The following FOXJ2 variants were observed in gnomAD, a reference collection of about 807,000 sequenced individuals.
The protein encoded by FOXJ2 is forkhead box protein J2.
FOXJ2 carries 18 observed loss-of-function variants against 68.4 expected under a neutral mutation model. The observed-to-expected ratio is 0.26, with a 90% CI of 0.18 to 0.39. The LOEUF is 0.39. Among genes scored for constraint, FOXJ2 ranks in the 10% least tolerant of loss-of-function variants. The pLI, the probability that FOXJ2 is intolerant of heterozygous loss-of-function variation, is 1.00. For synonymous variants in FOXJ2, 274 were observed against 263.2 expected (o/e 1.04, Z -0.40); for missense variants, 670 against 726.5 (o/e 0.92, Z 0.89).
chr12:8,034,767 T>A (rs748081904), intron 1 of FOXJ2, among the ~76,000 whole-genome samples: 13 of 152,346 alleles, frequency 8.5e-5, no homozygotes, highest in African/African-American at 2.6e-4. Flanking sequence ...CCTTCCTGTT[T>A]CTTGTTCAGT....
chr12:8,049,784 G>A (rs1205635022), intron 9 of FOXJ2: 2 of 472,240 alleles, frequency 4.2e-6, no homozygotes, highest in South Asian at 5.0e-5. Context: ...TTCCTTTTTA[G>A]ACCTCAGTTT....
In FOXJ2 at chr12:8,032,759, A is replaced by G; in HGVS notation, c.-1089A>G. On this transcript the variant is annotated 5_prime_UTR_variant, in exon 1 of 11. Transcript: ENST00000162391. The surrounding 1 kb of genome is among the most constrained non-coding windows in gnomAD (Gnocchi z 4.8). ...GCCCGAGCCCGCGCCGAGCCCTGAC[A>G]CTGTCTGCCCGCCTTCTGGCTCCCC... 2.5e-6 allele frequency: 1 copy of G among 397,648 alleles called. No individual in the cohort carries two copies. The highest frequency in any genetic ancestry group is 4.4e-6 in the Non-Finnish European group (1 of 225,508). The allele number at this position is 397,648 out of a possible 1,614,324, so 24.6% of individuals were successfully genotyped here. A position where few individuals can be genotyped will look rare whatever the true frequency, so the allele number is the denominator to read the frequency against.
At position 8,047,910 on chromosome 12, in the gene FOXJ2, A is replaced by T. The variant is rs747559120; in HGVS notation, c.846A>T (p.Pro282=). ...HGFSSLLGDI[P]PSNNYYMYQQ... ...TTTCTTCTCTCCTGGGGGACATCCC[A>T]CCCTCGAACAACTACTACATGTATC... Residue 282 remains proline, a synonymous_variant, in exon 7 of 11, where the codon CCA becomes CCT. Coordinates refer to ENST00000162391, the MANE Select transcript of FOXJ2 (RefSeq NM_018416.3). 1 of 1,602,188 alleles carries T rather than the reference A, an allele frequency of 6.2e-7. No individual in the cohort carries two copies.
At position 8,039,780 on chromosome 12, in the gene FOXJ2, G is replaced by A. The variant is rs765291949; in HGVS notation, c.-14-39G>A. The A allele has an allele frequency of 2.1e-5, 32 of 1,507,174 alleles. No homozygotes were observed. In the East Asian group the frequency reaches 6.6e-4, roughly 31 times the overall value. The allele number at this position is 1,507,174 out of a possible 1,614,324, so 93.4% of individuals were successfully genotyped here. On this transcript the variant is annotated intron_variant, in intron 1 of 10. Coordinates refer to ENST00000162391, the MANE Select transcript of FOXJ2 (RefSeq NM_018416.3). ...AAACAAAAGGATTTGAGTATTACTT[G>A]CCCCCAGTATTTTCGTCTCCTCTTT...
In FOXJ2 at chr12:8,042,716, G is replaced by A. The variant is rs376085291; in HGVS notation, c.392G>A (p.Arg131Gln). ...TGTTTCCGGAAGGTGCCCAGACCTC[G>A]GGATGACCCTGGGAAGGTAAGATAC... ...NKCFRKVPRP[R>Q]DDPGKGSYWT... The change falls in exon 3 of 11, where the codon CGG becomes CAG. Residue 131 changes from arginine to glutamine, a missense_variant. Physicochemically the swap from Arg to Gln is conservative, Grantham distance 43. Transcript: ENST00000162391. 3.7e-6 allele frequency: 6 copies of A among 1,613,920 alleles called. No individual in the cohort carries two copies. The highest frequency in any genetic ancestry group is 3.3e-5 in the Admixed American group (2 of 59,996).
At chr12:8,052,732 C>A in intron 10 of FOXJ2, 30 bp from the exon 11 acceptor site, 1 of 1,571,838 alleles carries the variant, frequency 6.4e-7, no homozygotes, top group Non-Finnish European at 8.7e-7. Flanking sequence ...CATCCACTCT[C>A]CTTTTACTCT....
rs751970304 is a variant in FOXJ2, at chr12:8,044,017, G to A, written c.544G>A (p.Glu182Lys). 13 of 1,591,984 alleles carry A rather than the reference G, an allele frequency of 8.2e-6. No individual in the cohort carries two copies. The South Asian group carries it at 1.5e-4, about 18-fold the overall frequency. The change falls in exon 5 of 11, where the codon GAA becomes AAA. Residue 182 changes from glutamate (E) to lysine (K), a missense_variant. By Grantham distance (56) the Glu-to-Lys change is moderately conservative (BLOSUM62 1). Coordinates refer to ENST00000162391, the MANE Select transcript of FOXJ2 (RefSeq NM_018416.3). ...SPRGGVAGSG[E>K]ASLPPEGNPQ... ...ACGGGGAGGCGTTGCAGGGAGTGGA[G>A]AAGCCTCACTGCCTCCTGAGGGGAA...
rs1946886523 is a variant in FOXJ2, at chr12:8,035,689, G to A, written c.-15+1856G>A. ...CACGCAGTTTAACTGGCCCTGCTTG[G>A]ACTGAGTTCCCTAACCCTGCTTGCT... On this transcript the variant is annotated intron_variant, in intron 1 of 10. Coordinates refer to ENST00000162391, the MANE Select transcript of FOXJ2 (RefSeq NM_018416.3). This position sits in a 1 kb window ranked among gnomAD's most constrained non-coding sequence, Gnocchi z 4.0. Among the ~76,000 whole-genome samples, 2 of 152,144 alleles carry A rather than the reference G, an allele frequency of 1.3e-5. No individual in the cohort carries two copies.
rs750370219 is a variant in FOXJ2, at chr12:8,054,666, C to T, written c.*1816C>T. The T allele has an allele frequency of 3.3e-5, 5 of 152,688 alleles. No homozygotes were observed. The South Asian group carries it at 8.3e-4, about 25-fold the overall frequency. 9.5% of individuals were successfully genotyped at this position (152,688 alleles called of 1,614,324 possible). On this transcript the variant is annotated 3_prime_UTR_variant, in exon 11 of 11. Transcript: ENST00000162391. The stretch of plus-strand genomic sequence containing the variant: ...GGGGGTGCGAGTGGCTTGAATCTCC[C>T]ATGATGTTGGAGGGCACTTAGTGGG...
Position 8,054,361 on chromosome 12 carries a change from CT to C in FOXJ2, c.*1513del, listed in dbSNP as rs1349696773. 6.6e-6 allele frequency: 1 copy of C among 152,252 alleles called. No homozygotes were observed. Among genetic ancestry groups the C allele is most frequent in the Non-Finnish European group, 1.5e-5 (1 of 68,050 alleles). 9.4% of individuals were successfully genotyped at this position (152,252 alleles called of 1,614,324 possible). A position where few individuals can be genotyped will look rare whatever the true frequency, so the allele number is the denominator to read the frequency against. On this transcript the variant is annotated 3_prime_UTR_variant, in exon 11 of 11. Transcript: ENST00000162391. ...CAATTTTACTTCTGTCCTTATTTCA[CT>C]TGCTGAAAAGCTGTGGGACAAAATG...
At chr12:8,033,909 G>A (rs1946866442) in intron 1 of FOXJ2, 76 bp downstream of exon 1, 1 of 152,302 alleles carries the variant, frequency 6.6e-6, no homozygotes, top group South Asian at 2.1e-4. Flanking sequence ...GGTGGATCGT[G>A]GGTTTCACTG....
chr12:8,048,265 G>A lies in FOXJ2; in HGVS notation c.1201G>A (p.Ala401Thr). The A allele has an allele frequency of 6.3e-7, 1 of 1,581,138 alleles. No homozygotes were observed. Among genetic ancestry groups the A allele is most frequent in the East Asian group, 2.2e-5 (1 of 44,674 alleles). Residue 401 changes from alanine (A) to threonine (T), a missense_variant, in exon 7 of 11, where the codon GCT becomes ACT. Physicochemically the swap from Ala to Thr is moderately conservative, Grantham distance 58. Transcript: ENST00000162391. Reference protein sequence around the residue: ...PPPQPQAQGQAPINNTGFAFP... With the variant: ...PPPQPQAQGQTPINNTGFAFP... ...TCCACAGCCACAGGCACAAGGCCAG[G>A]CTCCCATCAACAACACTGGCTTTGG...
chr12:8,048,511 G>A (rs1187732788), intron 7 of FOXJ2, among the ~76,000 whole-genome samples, 186 bp from the exon 8 acceptor site: 1 of 152,260 alleles, frequency 6.6e-6, no homozygotes, highest in Non-Finnish European at 1.5e-5. Flanking sequence ...TATGAGCCTG[G>A]CTGTACTTAA....
chr12:8,048,240 TCCACAG>T lies in FOXJ2; in HGVS notation c.1183_1188del (p.Pro395_Gln396del). 2 of 1,600,052 alleles carry T rather than the reference TCCACAG, an allele frequency of 1.2e-6. No individual in the cohort carries two copies. Among genetic ancestry groups the T allele is most frequent in the Admixed American group, 1.7e-5 (1 of 58,102 alleles). On this transcript the variant is annotated inframe_deletion, in exon 7 of 11. Coordinates refer to ENST00000162391, the MANE Select transcript of FOXJ2 (RefSeq NM_018416.3). ...CCCACCCTGCCCAGCAGCCACCACC[TCCACAG>T]CCACAGGCACAAGGCCAGGCTCCCA...
chr12:8,033,333 T>TA lies in FOXJ2; in HGVS notation c.-514dup, dbSNP rs1321168939. Reference sequence around the variant, plus strand: ...ACTATTCACAGGAGACAGGAGTCCTTACGTTCAGAAGCCACTCCAGGGAAA... The same window carrying TA: ...ACTATTCACAGGAGACAGGAGTCCTTAACGTTCAGAAGCCACTCCAGGGAAA... On this transcript the variant is annotated 5_prime_UTR_variant, in exon 1 of 11. Transcript: ENST00000162391. 6.4e-6 allele frequency: 1 copy of TA among 155,288 alleles called. No individual in the cohort carries two copies. The highest frequency in any genetic ancestry group is 1.4e-5 in the Non-Finnish European group (1 of 70,104). The allele number at this position is 155,288 out of a possible 1,614,324, so 9.6% of individuals were successfully genotyped here.
chr12:8,041,145 T>A (rs1277001291), intron 2 of FOXJ2, among the ~76,000 whole-genome samples: 1 of 152,144 alleles, frequency 6.6e-6, no homozygotes, highest in Non-Finnish European at 1.5e-5. Flanking sequence ...CCAGTTGACA[T>A]ACAAACCATG....
chr12:8,041,111 G>T (rs189659671), intron 2 of FOXJ2, among the ~76,000 whole-genome samples: 10 of 152,196 alleles, frequency 6.6e-5, no homozygotes. Flanking sequence ...AACTTTATAT[G>T]TAGTTCTCTC....
chr12:8,049,653 G>T (rs1565630993), intron 9 of FOXJ2, 82 bp downstream of exon 9: 1 of 1,352,626 alleles, frequency 7.4e-7, no homozygotes, highest in Admixed American at 2.8e-5. Context: ...AGAACTGAGA[G>T]AAAGGATTTT....
chr12:8,042,585 C>T (rs1946979594), intron 2 of FOXJ2, 73 bp from the exon 3 acceptor site: 1 of 1,269,170 alleles, frequency 7.9e-7, no homozygotes, highest in Admixed American at 1.8e-5. Context: ...TTTTGTGTGT[C>T]CCTCTGTGTT....
Sources: allele counts gnomAD v4.1 joint callset (sites outside exome capture counted in the v4.1 genomes callset), GRCh38; gene constraint gnomAD v4.1.1; non-coding constraint Gnocchi (gnomAD v3.1); transcripts MANE v1.5; gene names NCBI Gene and HGNC (gene_info 2026-07-23, HGNC 2026-07-21).